Variants in PSD3 observed in about 807,000 individuals in gnomAD.
PSD3 encodes PH and SEC7 domain-containing protein 3.
In PSD3, 49 loss-of-function variants were observed where a neutral mutation model predicts 105.5. The observed-to-expected ratio is 0.46, with a 90% confidence interval of 0.37 to 0.59. PSD3 has a LOEUF of 0.59. Among genes scored for constraint, PSD3 ranks in the 20% least tolerant of loss-of-function variants. PSD3 has a pLI of 0.00. For missense variants in PSD3, 1,561 were observed against 1,263.8 expected (o/e 1.24, Z -3.57); for synonymous variants, 557 against 457.8 (o/e 1.22, Z -2.77).
intron 1 of PSD3, among the ~76,000 whole-genome samples, chr8:18,941,967 C>T (rs1374016632): frequency 2.6e-5 from 4 of 152,116 alleles, no homozygotes; most frequent in Non-Finnish European, 5.9e-5. Context: ...TGAGCTGCCA[C>T]ACCCAGCCTA....
In PSD3 at chr8:18,682,899, C is replaced by G. The variant is rs369719416; in HGVS notation, c.2173-27214G>C. ...GCTGAAATGACACTGAGATCCACCT[C>G]CTGACGCTCTCTCTGCACATTATCA... On this transcript the variant is annotated intron_variant, in intron 9 of 15. Transcript: ENST00000327040. Among the ~76,000 whole-genome samples, 10 of 152,156 alleles carry G rather than the reference C, an allele frequency of 6.6e-5. No individual in the cohort carries two copies. The East Asian group carries it at 1.2e-3, about 18-fold the overall frequency.
intron 11 of PSD3, among the ~76,000 whole-genome samples, chr8:18,600,667 T>C (rs1804373143): frequency 6.6e-6 from 1 of 152,190 alleles, no homozygotes. Context: ...TATTTCTCTC[T>C]TCTTACAAAA....
intron 1 of PSD3, among the ~76,000 whole-genome samples, chr8:18,960,510 T>A (rs1823847728): frequency 6.6e-6 from 1 of 151,744 alleles, no homozygotes; most frequent in Admixed American, 6.6e-5. Flanking sequence ...TAAAAACAAA[T>A]CAAGAAAAGA....
chr8:19,024,980 G>C (rs1039889010), intron 1 of PSD3, among the ~76,000 whole-genome samples: 1 of 152,046 alleles, frequency 6.6e-6, no homozygotes, highest in Non-Finnish European at 1.5e-5. Context: ...CTGAGAAAGG[G>C]GTCACAGTGA....
intron 4 of PSD3, among the ~76,000 whole-genome samples, chr8:18,809,464 T>A (rs1811503530): frequency 6.6e-6 from 1 of 152,182 alleles, no homozygotes; most frequent in Admixed American, 6.5e-5. Flanking sequence ...TGAATCATAC[T>A]AAGATTGGCA....
At chr8:18,963,126 A>T (rs1824025075) in intron 1 of PSD3, among the ~76,000 whole-genome samples, 1 of 152,088 alleles carries the variant, frequency 6.6e-6, no homozygotes, top group Non-Finnish European at 1.5e-5. Flanking sequence ...AAAAGTGGAA[A>T]CCCCTGATAA....
At position 18,805,507 on chromosome 8, in the gene PSD3, T is replaced by G. The variant is rs12550155; in HGVS notation, c.1635-609A>C. Among the ~76,000 whole-genome samples, 1,388 of 152,346 alleles carry G rather than the reference T, an allele frequency of 9.1e-3. 30 individuals carry two copies. The highest frequency in any genetic ancestry group is 0.04 in the Admixed American group (613 of 15,298). The stretch of plus-strand genomic sequence containing the variant: ...TCAGATAATTGTGGATATTCTTTTT[T>G]GATACAACACCAAAGTGAGACAAGT... On this transcript the variant is annotated intron_variant, in intron 4 of 15. Coordinates refer to ENST00000327040, the MANE Select transcript of PSD3 (RefSeq NM_015310.4).
chr8:18,606,307 A>G (rs1004809020), intron 11 of PSD3, among the ~76,000 whole-genome samples: 3 of 152,050 alleles, frequency 2.0e-5, no homozygotes, highest in African/African-American at 7.2e-5. Flanking sequence ...TTTTATCTTC[A>G]GTACTGGTAG....
At chr8:18,759,092 A>ACTCTCT (rs748135836) in intron 9 of PSD3, among the ~76,000 whole-genome samples, 13 of 143,940 alleles carry the variant, frequency 9.0e-5, no homozygotes, top group African/African-American at 3.0e-4. Flanking sequence ...ACACACACAC[A>ACTCTCT]CTCTCTCTCT....
intron 10 of PSD3, among the ~76,000 whole-genome samples, chr8:18,641,446 C>T (rs1022728484): frequency 6.6e-6 from 1 of 152,234 alleles, no homozygotes; most frequent in South Asian, 2.1e-4. Flanking sequence ...TTGGCTAAAA[C>T]ATTTTTTATA....
At chr8:18,886,430 C>A (rs547106401) in intron 2 of PSD3, among the ~76,000 whole-genome samples, 1 of 152,254 alleles carries the variant, frequency 6.6e-6, no homozygotes, top group Admixed American at 6.5e-5. Context: ...TCCTCTATGT[C>A]TGGATTCAGC....
chr8:18,560,383 C>G (rs1418678091), intron 14 of PSD3, among the ~76,000 whole-genome samples: 3 of 152,068 alleles, frequency 2.0e-5, no homozygotes, highest in African/African-American at 7.2e-5. Flanking sequence ...CACCTTTTGT[C>G]TTTGCTTTTA....
At chr8:18,687,485 GT>G (rs147651057) in intron 9 of PSD3, among the ~76,000 whole-genome samples, 6,341 of 145,954 alleles carry the variant, frequency 0.043, 230 homozygotes, top group East Asian at 0.11. Context: ...AAATTTAGCA[GT>G]TTTTTTTTTT....
intron 14 of PSD3, among the ~76,000 whole-genome samples, chr8:18,567,570 G>T (rs1298661087): frequency 6.6e-6 from 1 of 152,040 alleles, no homozygotes; most frequent in Non-Finnish European, 1.5e-5. Context: ...TAATAGTAAT[G>T]CTTACAAGTA....
At chr8:18,616,864 C>G (rs1269448320) in intron 11 of PSD3, among the ~76,000 whole-genome samples, 12 of 151,738 alleles carry the variant, frequency 7.9e-5, no homozygotes, top group Non-Finnish European at 1.5e-4. Flanking sequence ...ACCTCGTGAT[C>G]CGCCCGCCTC....
At chr8:18,802,349 T>C (rs964944583) in intron 6 of PSD3, 7 of 432,268 alleles carry the variant, frequency 1.6e-5, no homozygotes, top group Admixed American at 2.5e-5. Context: ...GTAGATTCAT[T>C]TTCCTAAACA....
At chr8:18,898,084 G>A (rs1232176373) in intron 2 of PSD3, among the ~76,000 whole-genome samples, 2 of 152,142 alleles carry the variant, frequency 1.3e-5, no homozygotes, top group East Asian at 3.9e-4. Context: ...GGCTTTGACT[G>A]TGTCGAGGTA....
chr8:18,974,996 A>C (rs1225673123), intron 1 of PSD3, among the ~76,000 whole-genome samples: 1 of 152,208 alleles, frequency 6.6e-6, no homozygotes, highest in Non-Finnish European at 1.5e-5. Context: ...AGAAAAAGCG[A>C]CATTCTAAGT....
intron 9 of PSD3, among the ~76,000 whole-genome samples, chr8:18,694,357 T>A (rs1174001349): frequency 1.3e-5 from 2 of 152,198 alleles, no homozygotes. Context: ...ACGTCTGTAA[T>A]CCCAGCACTT....
Sources: gnomAD v4.1 joint callset for allele counts (sites outside exome capture counted in the v4.1 genomes callset) on GRCh38, gnomAD v4.1.1 for gene constraint, MANE v1.5 for transcripts, NCBI Gene and HGNC (gene_info 2026-07-23, HGNC 2026-07-21) for gene names.